HPS4: variants seen among roughly 807,000 people sequenced by gnomAD.
HPS4 encodes the protein BLOC-3 complex member HPS4.
A neutral mutation model predicts 70.3 loss-of-function variants in HPS4; 44 were observed. That is an observed-to-expected ratio of 0.63 (90% CI 0.49 to 0.80). The LOEUF (loss-of-function observed/expected upper bound fraction) is 0.80. HPS4 is among the 30% of genes least tolerant of loss of function. The probability of loss-of-function intolerance (pLI) is 0.00; values close to 1 mark genes in which losing one functional copy is unlikely to be tolerated. For synonymous variants in HPS4, 377 were observed against 355.9 expected (o/e 1.06, Z -0.67); for missense variants, 873 against 884.4 (o/e 0.99, Z 0.16).
intron 11 of HPS4, 75 bp from the exon 12 acceptor site, chr22:26,458,652 C>T: frequency 6.4e-7 from 1 of 1,560,580 alleles, no homozygotes; most frequent in South Asian, 1.1e-5. Flanking sequence ...TAACCACAGA[C>T]TTAGTTAAAA....
intron 2 of HPS4, among the ~76,000 whole-genome samples, chr22:26,480,139 G>A (rs1423617283): frequency 6.6e-6 from 1 of 152,110 alleles, no homozygotes; most frequent in Non-Finnish European, 1.5e-5. Flanking sequence ...ACCTCTTTAA[G>A]ACCATAAAAC....
downstream of HPS4, among the ~76,000 whole-genome samples, chr22:26,448,089 C>G (rs1474885162): frequency 6.6e-6 from 1 of 152,214 alleles, no homozygotes; most frequent in Non-Finnish European, 1.5e-5. Context: ...AGTATCCAGG[C>G]TCGCAGCACA....
chr22:26,462,376 G>A (rs972862942), intron 11 of HPS4, among the ~76,000 whole-genome samples: 5 of 152,212 alleles, frequency 3.3e-5, no homozygotes, highest in Non-Finnish European at 5.9e-5. Flanking sequence ...GCAGTGGGGG[G>A]ACAGAGAGGC....
Position 26,466,471 on chromosome 22 carries a change from C to A in HPS4, c.670-209G>T, listed in dbSNP as rs191511763. 2.2e-3 allele frequency: 1,442 copies of A among 650,246 alleles called. 17 individuals carry two copies. The East Asian group carries it at 0.036, about 16-fold the overall frequency. 40.3% of individuals were successfully genotyped at this position (650,246 alleles called of 1,614,324 possible). On this transcript the variant is annotated intron_variant, in intron 8 of 13. Transcript: ENST00000398145. ...GGCTGGGATGAAGCAAGAACCTGGG[C>A]CCACACAGGCTGCAAGGCAGCAGCT... is the stretch of plus-strand genomic sequence containing the variant.
At chr22:26,460,792 G>T (rs938715420) in intron 11 of HPS4, among the ~76,000 whole-genome samples, 3 of 152,182 alleles carry the variant, frequency 2.0e-5, no homozygotes, top group Non-Finnish European at 4.4e-5. Flanking sequence ...CCTAAGAATG[G>T]TTTTTATATT....
At chr22:26,476,841 A>G (rs543833239) in intron 4 of HPS4, 152 bp downstream of exon 4, 9 of 771,850 alleles carry the variant, frequency 1.2e-5, no homozygotes, top group Admixed American at 6.2e-5. Context: ...AAACCTGCAG[A>G]GAGTACCACA....
chr22:26,479,825 C>G (rs1478486510), intron 2 of HPS4: 1 of 352,972 alleles, frequency 2.8e-6, no homozygotes, highest in Non-Finnish European at 4.0e-6. Context: ...TACTGAGGGC[C>G]CACAGTGTGC....
rs202091945 is a variant in HPS4 at position 26,468,584 on chromosome 22, C to T, written c.636G>A (p.Lys212=). The T allele has an allele frequency of 1.2e-6, 2 of 1,613,786 alleles. No individual in the cohort carries two copies. Among genetic ancestry groups the T allele is most frequent in the South Asian group, 1.1e-5 (1 of 91,084 alleles). Residue 212 remains lysine, a synonymous_variant, in exon 8 of 14, where the codon AAG becomes AAA. Transcript: ENST00000398145. ...GAGGTGCTGTTCGGTGAAGCAGGAC[C>T]TTGGCGGTGAGGGAGGGCGGGAGTT... The part of the protein sequence containing the change: ...STQLPPSLTA[K]VLLHRTAPQE...
intron 8 of HPS4, chr22:26,466,494 G>T: frequency 1.6e-6 from 1 of 616,260 alleles, no homozygotes; most frequent in Non-Finnish European, 2.9e-6. Flanking sequence ...CAAGGCAGCA[G>T]CTCCACCCAA....
rs536794522 is a variant in HPS4 at position 26,451,321 on chromosome 22, C to T, written c.*1912G>A. On this transcript the variant is annotated 3_prime_UTR_variant, in exon 14 of 14. Coordinates refer to ENST00000398145, the MANE Select transcript of HPS4 (RefSeq NM_022081.6). ...TCTGAAATATTAAAAAACGGGAAAA[C>T]AGCGGGTTAAGTGTTTCTTCTCTGC... 6.6e-6 allele frequency among the ~76,000 whole-genome samples: 1 copy of T among 152,326 alleles called. No individual in the cohort carries two copies. The highest frequency in any genetic ancestry group is 2.4e-5 in the African/African-American group (1 of 41,578).
In HPS4 at chr22:26,451,996, GCGCGCGCGCACACA is replaced by G. The variant is rs1448683945; in HGVS notation, c.*1223_*1236del. On this transcript the variant is annotated 3_prime_UTR_variant, in exon 14 of 14. Coordinates refer to ENST00000398145, the MANE Select transcript of HPS4 (RefSeq NM_022081.6). ...GGATGCGCCCACGTTACGCGCGCGC[GCGCGCGCGCACACA>G]CACACACACACACACACACACACAC... 2,894 of 40,426 alleles carry G rather than the reference GCGCGCGCGCACACA, an allele frequency of 0.072. 100 individuals are homozygous for G. Among genetic ancestry groups the G allele is most frequent in the African/African-American group, 0.14 (2,641 of 18,286 alleles). The allele number at this position is 40,426 out of a possible 1,614,324, so 2.5% of individuals were successfully genotyped here.
rs149023834 is a variant in HPS4, at chr22:26,456,113, G to C, written c.1955+1746C>G. ...AGGCAGCAGAACACCTGGCGCTCAA[G>C]TGTGGCGGGTGACAGGGAATCAGAA... On this transcript the variant is annotated intron_variant, in intron 13 of 13. Transcript: ENST00000398145. Among the ~76,000 whole-genome samples, 337 of 152,344 alleles carry C rather than the reference G, an allele frequency of 2.2e-3. 1 individual carries two copies. The highest frequency in any genetic ancestry group is 7.4e-3 in the African/African-American group (306 of 41,576).
At chr22:26,473,241 C>T (rs1053242115) in intron 4 of HPS4, among the ~76,000 whole-genome samples, 12 of 152,202 alleles carry the variant, frequency 7.9e-5, no homozygotes, top group African/African-American at 2.4e-4. Flanking sequence ...TGTTCTATTA[C>T]CTCGAGCCAA....
intron 11 of HPS4, 100 bp downstream of exon 11, chr22:26,463,817 G>A: frequency 7.1e-6 from 9 of 1,268,458 alleles, no homozygotes; most frequent in Non-Finnish European, 1.0e-5. Flanking sequence ...TGAGGGCTGA[G>A]CCTTTATCTC....
intron 4 of HPS4, among the ~76,000 whole-genome samples, chr22:26,473,365 G>A (rs2090102550): frequency 6.6e-6 from 1 of 152,142 alleles, no homozygotes; most frequent in African/African-American, 2.4e-5. Context: ...CTTCATGAAT[G>A]GCCATCATGT....
intron 3 of HPS4, chr22:26,445,093 T>G (rs1207137431): frequency 6.6e-6 from 1 of 152,422 alleles, no homozygotes; most frequent in Non-Finnish European, 1.5e-5. Context: ...CCTAGCACTT[T>G]GGGAAGCTGA....
Position 26,477,449 on chromosome 22 carries a change from G to A in HPS4, c.133-313C>T, listed in dbSNP as rs3830172. ...ACACATGCGATGACTGCACAGAACC[G>A]CATTTCTGTTGCTAGGATTATAGGC... On this transcript the variant is annotated intron_variant, in intron 3 of 13. Transcript: ENST00000398145. Among the ~76,000 whole-genome samples, 123,981 of 152,122 alleles carry A rather than the reference G, an allele frequency of 0.82. 51,273 individuals carry two copies. The highest frequency in any genetic ancestry group is 0.89 in the South Asian group (4,306 of 4,832).
chr22:26,480,565 G>C (rs1177411215), intron 2 of HPS4, among the ~76,000 whole-genome samples: 2 of 152,060 alleles, frequency 1.3e-5, no homozygotes, highest in African/African-American at 4.8e-5. Context: ...CTCTTCCCTG[G>C]ATCTATGCCC....
At chr22:26,475,660 T>G (rs956141369) in intron 4 of HPS4, 1 of 131,488 alleles carries the variant, frequency 7.6e-6, no homozygotes, top group African/African-American at 2.7e-5. Context: ...CCCCAAACAT[T>G]AAATTTTAGT....
Sources: gnomAD v4.1 joint callset for allele counts (sites outside exome capture counted in the v4.1 genomes callset) on GRCh38, gnomAD v4.1.1 for gene constraint, MANE v1.5 for transcripts, NCBI Gene and HGNC (gene_info 2026-07-23, HGNC 2026-07-21) for gene names.